The following ADAM2 variants were observed in gnomAD, a reference collection of about 807,000 sequenced individuals.
ADAM2 encodes disintegrin and metalloproteinase domain-containing protein 2.
In ADAM2, 101 loss-of-function variants were observed where a neutral mutation model predicts 99.3. That is an observed-to-expected ratio of 1.02 (90% CI 0.87 to 1.20). ADAM2 has a LOEUF of 1.20. Ranked by LOEUF, ADAM2 falls within the 50% of genes most tolerant of loss-of-function variation. The pLI is 0.00. For missense variants in ADAM2, 948 were observed against 878.7 expected, an observed-to-expected ratio of 1.08 and a Z score of -1.00; for synonymous variants, 323 against 287.6, an observed-to-expected ratio of 1.12 and a Z score of -1.25.
intron 7 of ADAM2, among the ~76,000 whole-genome samples, chr8:39,806,106 T>A (rs1033154839): frequency 3.3e-5 from 5 of 152,106 alleles, no homozygotes; most frequent in African/African-American, 9.7e-5. Context: ...TGCCTGGATA[T>A]TGAATACTTT....
At position 39,749,584 on chromosome 8, in the gene ADAM2, TGC is replaced by T. The variant is rs1024459786; in HGVS notation, c.1875+81_1875+82del. On this transcript the variant is annotated intron_variant, in intron 17 of 20. Transcript: ENST00000265708. ...GTTTTGGTGTGTGTGTGTGTGTGTG[TGC>T]GTGTGTGTGTGTGTAGCAATGCAGT... 498 of 1,251,794 alleles carry T rather than the reference TGC, an allele frequency of 4.0e-4. 1 individual carries two copies. The highest frequency in any genetic ancestry group is 4.8e-4 in the Non-Finnish European group (430 of 900,320). 77.5% of individuals were successfully genotyped at this position (1,251,794 alleles called of 1,614,324 possible).
intron 14 of ADAM2, 124 bp downstream of exon 14, chr8:39,766,718 CTTTCTA>C (rs1260588637): frequency 1.3e-6 from 1 of 789,434 alleles, no homozygotes; most frequent in Non-Finnish European, 1.9e-6. Flanking sequence ...GTATTCTTCT[CTTTCTA>C]TAATTCTTTA....
At chr8:39,804,608 A>T (rs1221056474) in intron 7 of ADAM2, among the ~76,000 whole-genome samples, 1 of 152,188 alleles carries the variant, frequency 6.6e-6, no homozygotes, top group Non-Finnish European at 1.5e-5. Context: ...GAACAATACT[A>T]TTGAAATAGA....
At chr8:39,785,676 A>C (rs537254106) in intron 10 of ADAM2, among the ~76,000 whole-genome samples, 6 of 152,172 alleles carry the variant, frequency 3.9e-5, no homozygotes, top group Non-Finnish European at 8.8e-5. Context: ...AGCACCTGTA[A>C]TCCCAGCTAC....
At chr8:39,775,716 G>A (rs1802961180) in intron 11 of ADAM2, among the ~76,000 whole-genome samples, 1 of 152,108 alleles carries the variant, frequency 6.6e-6, no homozygotes, top group South Asian at 2.1e-4. Context: ...TGCAATAGAT[G>A]TAGGTGACAT....
At chr8:39,777,237 T>C (rs1586084317) in intron 10 of ADAM2, 76 bp from the exon 11 acceptor site, 5 of 1,236,558 alleles carry the variant, frequency 4.0e-6, no homozygotes, top group Non-Finnish European at 5.7e-6. Context: ...TTATTAAAGA[T>C]CACATGATAA....
intron 3 of ADAM2, among the ~76,000 whole-genome samples, chr8:39,832,904 C>T (rs1047979354): frequency 2.0e-5 from 3 of 152,006 alleles, no homozygotes; most frequent in Non-Finnish European, 2.9e-5. Context: ...ATATTCTATA[C>T]ATTTTTTCTA....
intron 3 of ADAM2, among the ~76,000 whole-genome samples, chr8:39,825,099 C>G (rs903601729): frequency 6.6e-6 from 1 of 152,180 alleles, no homozygotes; most frequent in Non-Finnish European, 1.5e-5. Context: ...GTCCTCCTAG[C>G]TGTTTTCCAA....
intron 7 of ADAM2, among the ~76,000 whole-genome samples, chr8:39,807,240 T>G (rs893631967): frequency 1.3e-5 from 2 of 152,210 alleles, no homozygotes; most frequent in African/African-American, 4.8e-5. Context: ...TTCCTTCCTA[T>G]TTTTCCCTGT....
chr8:39,754,455 T>A (rs1802072219), intron 16 of ADAM2, among the ~76,000 whole-genome samples: 1 of 152,178 alleles, frequency 6.6e-6, no homozygotes, highest in African/African-American at 2.4e-5. Context: ...AATTCCTACC[T>A]CACATAACGT....
At chr8:39,823,847 A>G (rs1181531388) in intron 4 of ADAM2, among the ~76,000 whole-genome samples, 3 of 152,174 alleles carry the variant, frequency 2.0e-5, no homozygotes, top group Non-Finnish European at 4.4e-5. Context: ...AACTAACCAT[A>G]TCTATTACTT....
chr8:39,779,434 A>T (rs1021353743), intron 10 of ADAM2, among the ~76,000 whole-genome samples: 1 of 152,082 alleles, frequency 6.6e-6, no homozygotes, highest in Non-Finnish European at 1.5e-5. Context: ...ATATAGTCAC[A>T]TTGGAGGTTA....
chr8:39,751,495 G>A (rs1801945872), intron 16 of ADAM2, among the ~76,000 whole-genome samples: 1 of 149,834 alleles, frequency 6.7e-6, no homozygotes, highest in Admixed American at 6.6e-5. Flanking sequence ...TTTTTGTCTG[G>A]GTTTTGTTTG....
At chr8:39,765,158 G>A (rs910110769) in intron 14 of ADAM2, among the ~76,000 whole-genome samples, 1 of 152,160 alleles carries the variant, frequency 6.6e-6, no homozygotes, top group Non-Finnish European at 1.5e-5. Flanking sequence ...GAACAAGCAG[G>A]AAGTGAAAGC....
intron 7 of ADAM2, among the ~76,000 whole-genome samples, chr8:39,789,348 T>A (rs1195982826): frequency 6.6e-6 from 1 of 151,764 alleles, no homozygotes; most frequent in Non-Finnish European, 1.5e-5. Flanking sequence ...AACAGAGATA[T>A]TGAAGACTAT....
chr8:39,815,371 A>C (rs1804899063), intron 6 of ADAM2, among the ~76,000 whole-genome samples: 1 of 152,212 alleles, frequency 6.6e-6, no homozygotes, highest in South Asian at 2.1e-4. Context: ...TTCTGTTTAG[A>C]ATTATAAGGA....
Position 39,821,106 on chromosome 8 carries a change from C to A in ADAM2, c.409G>T (p.Glu137Ter). ...IEPLESSVGF[E>*]HVIYQVKHKK... ...TGTTTTACTTGGTAAATTACATGTT[C>A]AAAGCCAACTGAAGACTCCAGGGGT... The change falls in exon 6 of 21, where the codon GAA becomes TAA. Residue 137 changes from glutamate to a stop codon, truncating the protein, a stop_gained. Coordinates refer to ENST00000265708, the MANE Select transcript of ADAM2 (RefSeq NM_001464.5). LOFTEE classifies it high-confidence loss of function. 1 of 1,611,800 alleles carries A rather than the reference C, an allele frequency of 6.2e-7. No homozygotes were observed. Among genetic ancestry groups the A allele is most frequent in the Non-Finnish European group, 8.5e-7 (1 of 1,178,378 alleles).
chr8:39,785,978 A>C (rs1803452193), intron 10 of ADAM2, among the ~76,000 whole-genome samples: 2 of 152,188 alleles, frequency 1.3e-5, no homozygotes, highest in Non-Finnish European at 2.9e-5. Flanking sequence ...AATACTATGC[A>C]GCCATAAAAA....
At chr8:39,817,320 T>A (rs570867655) in intron 6 of ADAM2, among the ~76,000 whole-genome samples, 1 of 152,154 alleles carries the variant, frequency 6.6e-6, no homozygotes, top group Non-Finnish European at 1.5e-5. Context: ...ATCGTGGTCA[T>A]GAGAGGATAG....
Sources: allele counts gnomAD v4.1 joint callset (sites outside exome capture counted in the v4.1 genomes callset), GRCh38; gene constraint gnomAD v4.1.1; transcripts MANE v1.5; gene names NCBI Gene and HGNC (gene_info 2026-07-23, HGNC 2026-07-21).